Variants in PRPS2 observed in about 807,000 individuals in gnomAD.
PRPS2 encodes phosphoribosyl pyrophosphate synthetase 2, also known as ribose-phosphate pyrophosphokinase 2.
For synonymous variants in PRPS2, 111 were observed against 115.3 expected (o/e 0.96, Z 0.24); for missense variants, 104 against 271.5 (o/e 0.38, Z 4.34).
In PRPS2 at chrX:12,820,749, C is replaced by T. The variant is rs775666543; in HGVS notation, c.810C>T (p.Val270=). The change falls in exon 6 of 7, where the codon GTC becomes GTT. Residue 270 remains valine, a synonymous_variant. Transcript: ENST00000380668. ...RINNAAFEAV[V]VTNTIPQEDK... ...ATAATGCCGCCTTTGAGGCTGTTGTCGTCACAAACACAATTCCGCAAGAGG... is the reference window on the plus strand; with the variant it reads ...ATAATGCCGCCTTTGAGGCTGTTGTTGTCACAAACACAATTCCGCAAGAGG... The T allele has an allele frequency of 8.3e-7, 1 of 1,211,340 alleles. No homozygotes were observed. Among genetic ancestry groups the T allele is most frequent in the South Asian group, 1.8e-5 (1 of 56,932 alleles).
At chrX:12,796,793 G>C (rs1446345800) in intron 1 of PRPS2, among the ~76,000 whole-genome samples, 1 of 105,419 alleles carries the variant, frequency 9.5e-6, no homozygotes. Context: ...AAAATCATAG[G>C]AATGTTATAT....
chrX:12,800,202 G>C (rs1486301934), intron 2 of PRPS2, among the ~76,000 whole-genome samples: 2 of 111,629 alleles, frequency 1.8e-5, no homozygotes, highest in African/African-American at 6.5e-5. Context: ...GAATGGGCAG[G>C]GGCACGCTCC....
At chrX:12,796,616 T>G (rs995672103) in intron 1 of PRPS2, among the ~76,000 whole-genome samples, 1 of 111,886 alleles carries the variant, frequency 8.9e-6, no homozygotes, top group Non-Finnish European at 1.9e-5. Context: ...TTTTAAAATA[T>G]TTCATTTTGG....
chrX:12,819,200 A>G (rs1461746010), intron 4 of PRPS2, among the ~76,000 whole-genome samples: 1 of 112,886 alleles, frequency 8.9e-6, no homozygotes, highest in Admixed American at 9.3e-5. Context: ...TGTACCTGTC[A>G]TGGTTTTAAA....
At chrX:12,799,869 T>TC (rs1168371077) in intron 2 of PRPS2, among the ~76,000 whole-genome samples, 7 of 110,543 alleles carry the variant, frequency 6.3e-5, no homozygotes, top group Non-Finnish European at 1.1e-4. Flanking sequence ...TATCTACAAT[T>TC]CCCCCGAAAT....
At chrX:12,811,531 T>C (rs2042624104) in intron 4 of PRPS2, among the ~76,000 whole-genome samples, 1 of 111,573 alleles carries the variant, frequency 9.0e-6, no homozygotes, top group Non-Finnish European at 1.9e-5. Context: ...GGGAGTTTTA[T>C]TGTGTAGGTA....
chrX:12,815,737 G>A (rs1444567562), intron 4 of PRPS2, among the ~76,000 whole-genome samples: 2 of 111,140 alleles, frequency 1.8e-5, no homozygotes, highest in Non-Finnish European at 3.8e-5. Context: ...TCCACCTCCC[G>A]GGATCAAGCG....
chrX:12,801,221 C>CATGTGTGTGTGT (rs1491198404), intron 2 of PRPS2, among the ~76,000 whole-genome samples: 1 of 93,370 alleles, frequency 1.1e-5, no homozygotes, highest in African/African-American at 4.0e-5. Context: ...TGCGTGCGCA[C>CATGTGTGTGTGT]GTGTGTGTGT....
chrX:12,817,994 T>G (rs1279046187), intron 4 of PRPS2, among the ~76,000 whole-genome samples: 1 of 111,396 alleles, frequency 9.0e-6, no homozygotes, highest in Admixed American at 9.6e-5. Flanking sequence ...ATGTTGTGAA[T>G]GTACTTGATG....
chrX:12,819,704 G>A (rs138774901), intron 5 of PRPS2, 24 bp downstream of exon 5: 61 of 1,180,724 alleles, frequency 5.2e-5, no homozygotes, highest in Middle Eastern at 2.4e-4. Context: ...TGGGGAAAGC[G>A]TTAGGACTTC....
At chrX:12,812,327 A>G (rs747534881) in intron 4 of PRPS2, among the ~76,000 whole-genome samples, 11 of 112,030 alleles carry the variant, frequency 9.8e-5, no homozygotes, top group Admixed American at 6.6e-4. Flanking sequence ...TTACAATGTA[A>G]TTCAAATACG....
chrX:12,808,288 C>CTGTGTGTGTG (rs60881280), intron 2 of PRPS2, among the ~76,000 whole-genome samples: 8,254 of 102,282 alleles, frequency 0.081, 321 homozygotes, highest in East Asian at 0.11. Context: ...CATGAATATA[C>CTGTGTGTGTG]TGTGTGTGTG....
chrX:12,802,694 G>C (rs2042576238), intron 2 of PRPS2, among the ~76,000 whole-genome samples: 1 of 112,644 alleles, frequency 8.9e-6, no homozygotes, highest in African/African-American at 3.2e-5. Flanking sequence ...CAGCTTTCCT[G>C]ATGTTAGACA....
In PRPS2 at chrX:12,799,367, G is replaced by T; in HGVS notation, c.283G>T (p.Ala95Ser). 1.7e-6 allele frequency: 2 copies of T among 1,211,026 alleles called. No homozygotes were observed. Among genetic ancestry groups the T allele is most frequent in the Non-Finnish European group, 2.2e-6 (2 of 895,273 alleles). Residue 95 changes from alanine to serine, a missense_variant, in exon 2 of 7, where the codon GCC (alanine) becomes TCC (serine). Transcript: ENST00000380668. ...TGCCGTGATCCCGTGTTTCCCATAC[G>T]CCCGACAAGATAAAAAGGACAAGGT... ...VTAVIPCFPY[A>S]RQDKKDKSRA...
intron 4 of PRPS2, among the ~76,000 whole-genome samples, chrX:12,816,211 T>TA (rs1462534702): frequency 1.8e-5 from 2 of 111,729 alleles, no homozygotes; most frequent in Admixed American, 1.9e-4. Flanking sequence ...CTTATTCTCT[T>TA]ATCTCACAGT....
At chrX:12,803,464 C>T (rs2042579603) in intron 2 of PRPS2, among the ~76,000 whole-genome samples, 1 of 112,051 alleles carries the variant, frequency 8.9e-6, no homozygotes, top group Non-Finnish European at 1.9e-5. Flanking sequence ...ATATTTTTTG[C>T]TTTTTGTAGA....
chrX:12,807,520 T>C (rs17256004), intron 2 of PRPS2, among the ~76,000 whole-genome samples: 13,838 of 112,123 alleles, frequency 0.12, 745 homozygotes, highest in Non-Finnish European at 0.17. Flanking sequence ...TTTGTTACAC[T>C]AAATAATTCT....
intron 4 of PRPS2, among the ~76,000 whole-genome samples, chrX:12,818,349 C>T (rs1602416855): frequency 1.5e-5 from 1 of 67,676 alleles, no homozygotes; most frequent in Non-Finnish European, 2.6e-5. Flanking sequence ...GCCTGGTCAA[C>T]AAGAGTGAAA....
At chrX:12,809,653 A>C (rs757798798) in intron 3 of PRPS2, among the ~76,000 whole-genome samples, 1 of 111,915 alleles carries the variant, frequency 8.9e-6, no homozygotes, top group Non-Finnish European at 1.9e-5. Context: ...TCTCTAAAAC[A>C]GGCCAAATTA....
Sources: allele counts gnomAD v4.1 joint callset (sites outside exome capture counted in the v4.1 genomes callset), GRCh38; gene constraint gnomAD v4.1.1; transcripts MANE v1.5; gene names NCBI Gene and HGNC (gene_info 2026-07-23, HGNC 2026-07-21).